The following A1CF variants were observed in gnomAD, a reference collection of about 807,000 sequenced individuals.
A1CF encodes the protein APOBEC-1 stimulating protein.
Under a neutral mutation model 68.9 loss-of-function variants are expected in A1CF, and 48 were observed. The observed-to-expected ratio is 0.70, with a 90% CI of 0.55 to 0.89. The LOEUF (loss-of-function observed/expected upper bound fraction) is 0.89. Ranked by LOEUF, A1CF falls within the 40% of genes least tolerant of loss-of-function variation. A1CF has a pLI of 0.00. For synonymous variants in A1CF, 272 were observed against 260.4 expected (o/e 1.04, Z -0.43); for missense variants, 653 against 718.9 (o/e 0.91, Z 1.05).
intron 5 of A1CF, among the ~76,000 whole-genome samples, chr10:50,838,084 TA>T (rs1839597582): frequency 1.3e-5 from 2 of 152,186 alleles, no homozygotes; most frequent in South Asian, 4.1e-4. Flanking sequence ...ACTAAGTTAT[TA>T]AAAATGGGTG....
chr10:50,836,007 T>G (rs898873334), intron 6 of A1CF, 67 bp downstream of exon 6: 83 of 1,420,250 alleles, frequency 5.8e-5, no homozygotes, highest in Non-Finnish European at 7.9e-5. Flanking sequence ...TTAAAAATGC[T>G]TATTTTCTTT....
At chr10:50,852,352 A>G (rs1392888552) in intron 3 of A1CF, among the ~76,000 whole-genome samples, 1 of 152,050 alleles carries the variant, frequency 6.6e-6, no homozygotes, top group Non-Finnish European at 1.5e-5. Flanking sequence ...TTGGGCACAC[A>G]CCCCCTCCAC....
rs912931002 is a variant in A1CF, at chr10:50,836,461, G to A, written c.366-149C>T. 18 of 812,816 alleles carry A rather than the reference G, an allele frequency of 2.2e-5. No homozygotes were observed. The African/African-American group carries it at 3.1e-4, about 14-fold the overall frequency. The allele number at this position is 812,816 out of a possible 1,614,324, so 50.4% of individuals were successfully genotyped here. ...TTTTTGGAGAGTTGTGGCTTCTTTT[G>A]CAAGATTATTAGATGTGTCAACATG... On this transcript the variant is annotated intron_variant, in intron 5 of 12. Coordinates refer to ENST00000373997, the MANE Select transcript of A1CF (RefSeq NM_014576.4).
intron 5 of A1CF, among the ~76,000 whole-genome samples, chr10:50,839,224 G>A (rs1049940133): frequency 6.6e-6 from 1 of 151,960 alleles, no homozygotes; most frequent in East Asian, 1.9e-4. Context: ...AGGCCCTATT[G>A]GGTAACAATG....
intron 6 of A1CF, among the ~76,000 whole-genome samples, chr10:50,830,199 C>G (rs1469626603): frequency 6.6e-6 from 1 of 152,102 alleles, no homozygotes; most frequent in African/African-American, 2.4e-5. Context: ...TGCCCCCAGC[C>G]CTGGTAACCA....
intron 6 of A1CF, chr10:50,828,591 C>A: frequency 8.4e-6 from 2 of 239,078 alleles, no homozygotes; most frequent in Non-Finnish European, 1.6e-5. Context: ...CTTAGAACAA[C>A]ACTCATTGGG....
chr10:50,827,519 G>T (rs532804660), intron 7 of A1CF, among the ~76,000 whole-genome samples: 5 of 152,188 alleles, frequency 3.3e-5, no homozygotes, highest in Non-Finnish European at 7.3e-5. Context: ...TGAACAGCCT[G>T]CTCCTGAATG....
chr10:50,862,773 C>T (rs183488339), intron 2 of A1CF: 1 of 152,328 alleles, frequency 6.6e-6, no homozygotes, highest in African/African-American at 2.4e-5. Context: ...CCAAATGCTA[C>T]CAAAATTGTC....
intron 1 of A1CF, among the ~76,000 whole-genome samples, chr10:50,882,935 C>T (rs1048389895): frequency 9.2e-5 from 14 of 152,038 alleles, no homozygotes; most frequent in Non-Finnish European, 8.8e-5. Context: ...TCAGGGTGTC[C>T]CATGGGTTTG....
Position 50,829,666 on chromosome 10 carries a change from C to G in A1CF, c.605-1371G>C, listed in dbSNP as rs117592537. Reference sequence around the variant, plus strand: ...TTGCATTTCAGGGGATAGTTTTCTTCATTACTCTCTTCCTTTCCCCTTGTA... The same window carrying G: ...TTGCATTTCAGGGGATAGTTTTCTTGATTACTCTCTTCCTTTCCCCTTGTA... On this transcript the variant is annotated intron_variant, in intron 6 of 12. Coordinates refer to ENST00000373997, the MANE Select transcript of A1CF (RefSeq NM_014576.4). Among the ~76,000 whole-genome samples, 65 of 152,242 alleles carry G rather than the reference C, an allele frequency of 4.3e-4. No homozygotes were observed. The East Asian group carries it at 0.011, about 26-fold the overall frequency.
At chr10:50,833,453 T>G (rs1271076891) in intron 6 of A1CF, among the ~76,000 whole-genome samples, 1 of 152,120 alleles carries the variant, frequency 6.6e-6, no homozygotes, top group African/African-American at 2.4e-5. Context: ...TGCAGCAACT[T>G]TGTTCTGTAA....
At chr10:50,826,739 C>T (rs909321021) in intron 7 of A1CF, among the ~76,000 whole-genome samples, 67 of 152,050 alleles carry the variant, frequency 4.4e-4, no homozygotes, top group African/African-American at 1.5e-3. Flanking sequence ...AGCAAAATAA[C>T]CAGCTAACAT....
chr10:50,806,463 C>T lies in A1CF; in HGVS notation c.*266G>A. ...AGGATTTGTAAACATACTCCCCAAA[C>T]ACTCAGGAAGACTGGAAGAACAACT... is the stretch of plus-strand genomic sequence containing the variant. On this transcript the variant is annotated 3_prime_UTR_variant, in exon 13 of 13. Coordinates refer to ENST00000373997, the MANE Select transcript of A1CF (RefSeq NM_014576.4). 4.4e-6 allele frequency: 1 copy of T among 228,312 alleles called. No individual in the cohort carries two copies. Among genetic ancestry groups the T allele is most frequent in the South Asian group, 1.3e-4 (1 of 7,886 alleles). 14.1% of individuals were successfully genotyped at this position (228,312 alleles called of 1,614,324 possible).
intron 5 of A1CF, among the ~76,000 whole-genome samples, chr10:50,837,475 C>T (rs12262683): frequency 6.6e-6 from 1 of 152,106 alleles, no homozygotes; most frequent in Admixed American, 6.6e-5. Flanking sequence ...TAAAAGTGAG[C>T]CCTAGAATTT....
In A1CF at chr10:50,806,586, G is replaced by T. The variant is rs1012983998; in HGVS notation, c.*143C>A. The T allele has an allele frequency of 1.7e-6, 1 of 575,688 alleles. No individual in the cohort carries two copies. Among genetic ancestry groups the T allele is most frequent in the Non-Finnish European group, 2.6e-6 (1 of 377,480 alleles). The allele number at this position is 575,688 out of a possible 1,614,324, so 35.7% of individuals were successfully genotyped here. ...GTTCTTACTTCATGATTCTATAATT[G>T]GTATAAGCTATACAGTCTCTGGAAA... On this transcript the variant is annotated 3_prime_UTR_variant, in exon 13 of 13. Coordinates refer to ENST00000373997, the MANE Select transcript of A1CF (RefSeq NM_014576.4).
intron 5 of A1CF, among the ~76,000 whole-genome samples, chr10:50,839,700 A>G (rs1191338892): frequency 1.3e-5 from 2 of 152,192 alleles, no homozygotes; most frequent in Non-Finnish European, 2.9e-5. Flanking sequence ...TGGTTAGACT[A>G]CAAGTAGTTG....
intron 1 of A1CF, among the ~76,000 whole-genome samples, chr10:50,876,594 C>G (rs1236259557): frequency 6.6e-6 from 1 of 152,206 alleles, no homozygotes; most frequent in Admixed American, 6.5e-5. Flanking sequence ...CTTTCCTGAT[C>G]TTCGGACTTG....
chr10:50,817,823 T>C (rs1365541646), intron 8 of A1CF, among the ~76,000 whole-genome samples: 2 of 152,232 alleles, frequency 1.3e-5, no homozygotes, highest in African/African-American at 2.4e-5. Flanking sequence ...AAATTCAATA[T>C]TGTATTTTAG....
intron 3 of A1CF, among the ~76,000 whole-genome samples, chr10:50,856,965 AT>A (rs958981227): frequency 1.9e-4 from 29 of 152,138 alleles, no homozygotes; most frequent in Non-Finnish European, 5.9e-5. Context: ...AAATCATAAC[AT>A]TTGACCTTAC....
Sources: allele counts gnomAD v4.1 joint callset (sites outside exome capture counted in the v4.1 genomes callset), GRCh38; gene constraint gnomAD v4.1.1; transcripts MANE v1.5; gene names NCBI Gene and HGNC (gene_info 2026-07-23, HGNC 2026-07-21).